The following ADGRB3 variants were observed in gnomAD, a reference collection of about 807,000 sequenced individuals.
ADGRB3 encodes brain-specific angiogenesis inhibitor 3.
ADGRB3 carries 37 observed loss-of-function variants against 193.4 expected under a neutral mutation model. The ratio of observed to expected loss-of-function variants is 0.19; its 90% CI spans 0.15 to 0.25. The LOEUF is 0.25. Among genes scored for constraint, ADGRB3 ranks in the 10% least tolerant of loss-of-function variants. The probability of loss-of-function intolerance (pLI) is 1.00; values close to 1 mark genes in which losing one functional copy is unlikely to be tolerated. For missense variants in ADGRB3, 1,637 were observed against 1,852.9 expected (o/e 0.88, Z 2.14); for synonymous variants, 690 against 644.2 (o/e 1.07, Z -1.08).
intron 6 of ADGRB3, 30 bp downstream of exon 6, chr6:68,944,024 G>A: frequency 1.3e-6 from 2 of 1,568,820 alleles, no homozygotes; most frequent in South Asian, 1.2e-5. Flanking sequence ...GGTTATGTTT[G>A]CATTATGTGC....
chr6:69,075,613 C>G (rs570357441), intron 16 of ADGRB3, among the ~76,000 whole-genome samples: 1 of 152,180 alleles, frequency 6.6e-6, no homozygotes, highest in African/African-American at 2.4e-5. Flanking sequence ...GGATATTTCA[C>G]TGTGATTTCA....
intron 20 of ADGRB3, among the ~76,000 whole-genome samples, chr6:69,275,640 A>G (rs574792174): frequency 1.5e-4 from 23 of 152,032 alleles, no homozygotes; most frequent in African/African-American, 4.8e-4. Context: ...AATAAATTCA[A>G]TGATCTGTTA....
chr6:69,209,261 C>T (rs891751857), intron 17 of ADGRB3, among the ~76,000 whole-genome samples: 2 of 152,178 alleles, frequency 1.3e-5, no homozygotes, highest in African/African-American at 2.4e-5. Context: ...CACACCCAAA[C>T]GAGGAATATG....
chr6:69,086,388 A>C (rs1237708654), intron 17 of ADGRB3, among the ~76,000 whole-genome samples: 1 of 152,114 alleles, frequency 6.6e-6, no homozygotes, highest in Non-Finnish European at 1.5e-5. Context: ...ATTGGCAAGA[A>C]TTAGGCAAAT....
At chr6:68,875,242 GCCCTC>G (rs371685084) in intron 3 of ADGRB3, among the ~76,000 whole-genome samples, 55,740 of 62,690 alleles carry the variant, frequency 0.89, 25,018 homozygotes, top group Middle Eastern at 0.95. Context: ...CCCTCCCTCT[GCCCTC>G]CCCTCCCCTC....
intron 11 of ADGRB3, among the ~76,000 whole-genome samples, chr6:69,000,391 A>C (rs1397959221): frequency 6.6e-6 from 1 of 152,208 alleles, no homozygotes; most frequent in Non-Finnish European, 1.5e-5. Flanking sequence ...GTTTCAGTTA[A>C]AATACACCTT....
At chr6:68,922,952 G>A (rs920322970) in intron 3 of ADGRB3, among the ~76,000 whole-genome samples, 4 of 152,186 alleles carry the variant, frequency 2.6e-5, no homozygotes, top group South Asian at 2.1e-4. Flanking sequence ...GAATTTTTAC[G>A]TAGTAGAAAA....
At chr6:69,223,848 G>C (rs1159351354) in intron 17 of ADGRB3, among the ~76,000 whole-genome samples, 1 of 151,708 alleles carries the variant, frequency 6.6e-6, no homozygotes, top group Non-Finnish European at 1.5e-5. Flanking sequence ...GTACAGTCAG[G>C]ATTTCACTAT....
chr6:69,370,715 A>G (rs1174291665), intron 29 of ADGRB3, among the ~76,000 whole-genome samples: 2 of 152,112 alleles, frequency 1.3e-5, no homozygotes, highest in African/African-American at 4.8e-5. Context: ...TAAAATGCAA[A>G]GCTCATGACT....
chr6:68,976,315 A>G (rs577312281), intron 10 of ADGRB3, among the ~76,000 whole-genome samples: 7 of 152,330 alleles, frequency 4.6e-5, no homozygotes, highest in Admixed American at 1.3e-4. Context: ...TTAAAATCTG[A>G]AAGTCAAATT....
intron 13 of ADGRB3, among the ~76,000 whole-genome samples, chr6:69,025,106 A>T (rs200481785): frequency 0.17 from 25,773 of 150,198 alleles, 2,495 homozygotes; most frequent in South Asian, 0.29. Flanking sequence ...AAAAAAAAAA[A>T]AAATAAAAAA....
intron 3 of ADGRB3, among the ~76,000 whole-genome samples, chr6:68,781,579 TG>T: frequency 6.6e-6 from 1 of 152,108 alleles, no homozygotes; most frequent in Non-Finnish European, 1.5e-5. Context: ...TGGATTCAGC[TG>T]GGAAGATATA....
rs570257634 is a variant in ADGRB3, at chr6:69,296,418, C to T, written c.2815-28454C>T. On this transcript the variant is annotated intron_variant, in intron 20 of 31. Coordinates refer to ENST00000370598, the MANE Select transcript of ADGRB3 (RefSeq NM_001704.3). ...TTCTTATCCCACTTCTCCCTATCTCCCAAATGCATATTTCGGGACATGGCA... is the reference window on the plus strand; with the variant it reads ...TTCTTATCCCACTTCTCCCTATCTCTCAAATGCATATTTCGGGACATGGCA... 5.9e-5 allele frequency among the ~76,000 whole-genome samples: 9 copies of T among 152,186 alleles called. No individual in the cohort carries two copies. The South Asian group carries it at 1.2e-3, about 21-fold the overall frequency.
rs542491435 is a variant in ADGRB3, at chr6:69,233,251, A to G, written c.2481-39A>G. The G allele has an allele frequency of 2.3e-4, 370 of 1,608,946 alleles. 4 individuals are homozygous for G. The South Asian group carries it at 3.9e-3, about 17-fold the overall frequency. On this transcript the variant is annotated intron_variant, in intron 17 of 31. Transcript: ENST00000370598. ...CTTTACGGATTTGGCTATCAGGCGT[A>G]TTTATCCCGATTTCCTCCCCCCTCA... is the stretch of plus-strand genomic sequence containing the variant.
At chr6:68,958,927 C>A (rs1228591565) in intron 8 of ADGRB3, among the ~76,000 whole-genome samples, 1 of 148,542 alleles carries the variant, frequency 6.7e-6, no homozygotes, top group Non-Finnish European at 1.5e-5. Flanking sequence ...ATACACCAAG[C>A]TTTTGAATAT....
chr6:69,308,956 C>A (rs1768122929), intron 20 of ADGRB3, among the ~76,000 whole-genome samples: 1 of 151,652 alleles, frequency 6.6e-6, no homozygotes, highest in Admixed American at 6.6e-5. Flanking sequence ...GAAATCCATT[C>A]TTTATTCTGG....
chr6:69,233,447 C>T (rs1700817700), intron 18 of ADGRB3, 31 bp downstream of exon 18: 1 of 1,612,934 alleles, frequency 6.2e-7, no homozygotes, highest in Non-Finnish European at 8.5e-7. Context: ...ACGGCTTTAA[C>T]GCAAAGACAG....
At chr6:69,387,810 G>A (rs1770106724) in intron 31 of ADGRB3, among the ~76,000 whole-genome samples, 1 of 152,030 alleles carries the variant, frequency 6.6e-6, no homozygotes, top group African/African-American at 2.4e-5. Flanking sequence ...CCTATTTTCT[G>A]TTCACTTGGT....
At chr6:69,199,343 G>A (rs1383939552) in intron 17 of ADGRB3, among the ~76,000 whole-genome samples, 1 of 152,068 alleles carries the variant, frequency 6.6e-6, no homozygotes, top group Admixed American at 6.6e-5. Context: ...TCACCTGGGT[G>A]ACCTTGGGCA....
Sources: allele counts gnomAD v4.1 joint callset (sites outside exome capture counted in the v4.1 genomes callset), GRCh38; gene constraint gnomAD v4.1.1; transcripts MANE v1.5; gene names NCBI Gene and HGNC (gene_info 2026-07-23, HGNC 2026-07-21).